ANK2: variants seen among roughly 807,000 people sequenced by gnomAD.
ANK2 encodes the protein ankyrin-2.
ANK2 carries 83 observed loss-of-function variants against 360.5 expected under a neutral mutation model. That is an observed-to-expected ratio of 0.23 (90% CI 0.19 to 0.28). The LOEUF (loss-of-function observed/expected upper bound fraction) is 0.28, where lower values mean the gene tolerates loss of function less well. Ranked by LOEUF, ANK2 falls within the 10% of genes least tolerant of loss-of-function variation. The pLI is 1.00. For synonymous variants in ANK2, 1,740 were observed against 1,759.5 expected (o/e 0.99, Z 0.28); for missense variants, 4,201 against 4,795.7 (o/e 0.88, Z 3.66).
chr4:112,761,833 T>C, the ANK2 span, among the ~76,000 whole-genome samples: 1 of 152,178 alleles, frequency 6.6e-6, no homozygotes, highest in Non-Finnish European at 1.5e-5. Context: ...CATGTCACTC[T>C]ATTCTCCTAT....
chr4:113,159,998 T>C (rs535540754), intron 1 of ANK2, among the ~76,000 whole-genome samples: 8 of 152,266 alleles, frequency 5.3e-5, no homozygotes, highest in East Asian at 3.9e-4. Flanking sequence ...TCTTTCTGTA[T>C]TTAATTTATT....
chr4:112,811,919 C>CA, the ANK2 span, among the ~76,000 whole-genome samples: 2 of 151,690 alleles, frequency 1.3e-5, no homozygotes, highest in Non-Finnish European at 2.9e-5. Context: ...ACTAAAAATA[C>CA]AAAAAATTAG....
chr4:112,990,095 C>T (rs1033828791), intron 2 of ANK2, among the ~76,000 whole-genome samples: 1 of 151,998 alleles, frequency 6.6e-6, no homozygotes, highest in Non-Finnish European at 1.5e-5. Context: ...AGTAGTGAGA[C>T]CCCGTCTCTA....
At position 112,819,977 on chromosome 4, in the gene ANK2, G is replaced by C. The variant is rs553563666; in HGVS notation, c.-40+1713G>C. On this transcript the variant is annotated intron_variant, in intron 1 of 30. Coordinates refer to the ANK2 transcript ENST00000503271. ...TCTCTGAAGGGGAGTGTGATAAAACGATGCTCATCCTTGGGCACATGGATT... is the reference window on the plus strand; with the variant it reads ...TCTCTGAAGGGGAGTGTGATAAAACCATGCTCATCCTTGGGCACATGGATT... Among the ~76,000 whole-genome samples the C allele has an allele frequency of 3.3e-5, 5 of 152,300 alleles. No homozygotes were observed. In the South Asian group the frequency reaches 1.0e-3, roughly 32 times the overall value.
intron 13 of ANK2, among the ~76,000 whole-genome samples, chr4:113,259,812 C>CTT (rs772674741): frequency 9.4e-6 from 1 of 106,614 alleles, no homozygotes; most frequent in Non-Finnish European, 2.0e-5. Context: ...CTTTTTTTTT[C>CTT]TTTTTTTTTT....
At chr4:113,296,626 T>C (rs569388446) in intron 22 of ANK2, among the ~76,000 whole-genome samples, 1 of 152,328 alleles carries the variant, frequency 6.6e-6, no homozygotes, top group African/African-American at 2.4e-5. Context: ...CATTTTGGAA[T>C]CGTAGTTTGT....
At chr4:113,040,393 A>G (rs1282442433) in intron 2 of ANK2, among the ~76,000 whole-genome samples, 7 of 152,078 alleles carry the variant, frequency 4.6e-5, no homozygotes. Context: ...TTTAGATTGC[A>G]CAGGGTAAAT....
chr4:112,776,942 C>A, the ANK2 span, among the ~76,000 whole-genome samples: 1 of 152,182 alleles, frequency 6.6e-6, no homozygotes, highest in African/African-American at 2.4e-5. Flanking sequence ...AGCTTTTACT[C>A]ATCCCTGAAA....
chr4:113,246,214 A>T (rs1183638664), intron 9 of ANK2, among the ~76,000 whole-genome samples: 1 of 152,180 alleles, frequency 6.6e-6, no homozygotes, highest in Non-Finnish European at 1.5e-5. Flanking sequence ...TCTGTCAAGG[A>T]TCTTGCCTTG....
intron 2 of ANK2, among the ~76,000 whole-genome samples, chr4:112,911,318 A>C (rs2087265284): frequency 6.6e-6 from 1 of 150,680 alleles, no homozygotes; most frequent in Admixed American, 6.7e-5. Context: ...TAACTAATCT[A>C]GTTAGCCATC....
chr4:113,174,139 T>C (rs2098103110), intron 1 of ANK2: 2 of 354,150 alleles, frequency 5.6e-6, no homozygotes, highest in African/African-American at 4.3e-5. Flanking sequence ...CAATTGTGGC[T>C]GAAGATTTAG....
intron 2 of ANK2, among the ~76,000 whole-genome samples, chr4:113,002,876 A>G (rs965498229): frequency 3.3e-5 from 5 of 152,170 alleles, no homozygotes; most frequent in Non-Finnish European, 7.3e-5. Context: ...GTAGTTCACC[A>G]AATCACCTCT....
chr4:112,878,483 C>G (rs1344802437), intron 1 of ANK2, among the ~76,000 whole-genome samples: 1 of 151,972 alleles, frequency 6.6e-6, no homozygotes, highest in Non-Finnish European at 1.5e-5. Flanking sequence ...TGCGCCACCA[C>G]GCCCAGTTAA....
intron 1 of ANK2, among the ~76,000 whole-genome samples, chr4:113,093,757 G>A (rs1285373796): frequency 6.6e-6 from 1 of 152,142 alleles, no homozygotes; most frequent in African/African-American, 2.4e-5. Flanking sequence ...GGTGATATAT[G>A]CCTGAATCAT....
the ANK2 span, among the ~76,000 whole-genome samples, chr4:112,807,164 T>TTC: frequency 7.9e-5 from 12 of 152,126 alleles, no homozygotes; most frequent in Non-Finnish European, 1.6e-4. Flanking sequence ...GTAGAACTGT[T>TTC]TCTAGTCTCT....
At chr4:112,813,503 C>CTAT (rs1256550222), upstream of ANK2, among the ~76,000 whole-genome samples, 1 of 151,710 alleles carries the variant, frequency 6.6e-6, no homozygotes, top group Non-Finnish European at 1.5e-5. Flanking sequence ...ACTTTCTATA[C>CTAT]TATTTTTCCT....
intron 1 of ANK2, among the ~76,000 whole-genome samples, chr4:112,851,685 A>G (rs1398740433): frequency 1.3e-5 from 2 of 151,290 alleles, no homozygotes; most frequent in East Asian, 1.9e-4. Context: ...GTGCAATGGC[A>G]TGGTCTCAGC....
Position 113,333,072 on chromosome 4 carries a change from C to A in ANK2, c.3243C>A (p.Ile1081=), listed in dbSNP as rs2092831255. Residue 1081 remains isoleucine, a synonymous_variant, in exon 29 of 46, where the codon ATC becomes ATA. Transcript: ENST00000357077. ...TKFLGPVIVE[I]PHFAALRGKE... ...ATGTCAGGCCTGTGATCGTGGAGAT[C>A]CCTCACTTTGCGGCCCTTCGAGGAA... 6.2e-7 allele frequency: 1 copy of A among 1,614,060 alleles called. No individual in the cohort carries two copies. Among genetic ancestry groups the A allele is most frequent in the African/African-American group, 1.3e-5 (1 of 74,924 alleles).
chr4:113,297,525 G>A (rs557934060), intron 22 of ANK2, among the ~76,000 whole-genome samples: 17 of 151,946 alleles, frequency 1.1e-4, no homozygotes, highest in East Asian at 5.8e-4. Flanking sequence ...CTTGTACCCC[G>A]TAAGTATGTA....
Sources: gnomAD v4.1 joint callset for allele counts (sites outside exome capture counted in the v4.1 genomes callset) on GRCh38, gnomAD v4.1.1 for gene constraint, MANE v1.5 for transcripts, NCBI Gene and HGNC (gene_info 2026-07-23, HGNC 2026-07-21) for gene names.